The following DTNB variants were observed in gnomAD, a reference collection of about 807,000 sequenced individuals.
The protein encoded by DTNB is DTN-B.
DTNB carries 63 observed loss-of-function variants against 90.7 expected under a neutral mutation model. The observed-to-expected ratio is 0.69, with a 90% CI of 0.57 to 0.86. DTNB has a LOEUF of 0.86. Among genes scored for constraint, DTNB ranks in the 40% least tolerant of loss-of-function variants. The probability of loss-of-function intolerance (pLI) is 0.00; values close to 1 mark genes in which losing one functional copy is unlikely to be tolerated. For synonymous variants in DTNB, 277 were observed against 286.7 expected (o/e 0.97, Z 0.34); for missense variants, 744 against 807.1 (o/e 0.92, Z 0.95).
At chr2:25,595,506 C>T (rs1349128023) in intron 6 of DTNB, among the ~76,000 whole-genome samples, 1 of 152,150 alleles carries the variant, frequency 6.6e-6, no homozygotes, top group Admixed American at 6.5e-5. Context: ...GTGGCTGAGG[C>T]ATGGACGCTG....
At chr2:25,637,230 T>G (rs1395793092) in intron 3 of DTNB, among the ~76,000 whole-genome samples, 1 of 152,146 alleles carries the variant, frequency 6.6e-6, no homozygotes, top group Non-Finnish European at 1.5e-5. Context: ...AAGACTTAAA[T>G]GTTAGACCTA....
intron 10 of DTNB, among the ~76,000 whole-genome samples, chr2:25,476,933 G>A (rs1275158647): frequency 6.6e-6 from 1 of 152,188 alleles, no homozygotes; most frequent in Non-Finnish European, 1.5e-5. Flanking sequence ...AGCATCACAT[G>A]CCACAGAGAA....
At chr2:25,455,337 C>G in intron 11 of DTNB, 68 bp downstream of exon 11, 1 of 1,442,652 alleles carries the variant, frequency 6.9e-7, no homozygotes, top group Non-Finnish European at 9.3e-7. Flanking sequence ...GCTGACAACC[C>G]CAGGTAGCAA....
intron 1 of DTNB, among the ~76,000 whole-genome samples, chr2:25,654,456 T>C (rs1243466042): frequency 1.3e-5 from 2 of 152,102 alleles, no homozygotes; most frequent in Non-Finnish European, 2.9e-5. Flanking sequence ...AATCATCCAG[T>C]CCAAAACAGC....
At chr2:25,578,323 G>A (rs2061026672) in intron 7 of DTNB, among the ~76,000 whole-genome samples, 1 of 152,200 alleles carries the variant, frequency 6.6e-6, no homozygotes, top group African/African-American at 2.4e-5. Context: ...TGGAATGCTG[G>A]AAATGCTAAT....
intron 10 of DTNB, among the ~76,000 whole-genome samples, chr2:25,480,580 A>C (rs1199900365): frequency 6.6e-6 from 1 of 152,168 alleles, no homozygotes; most frequent in Non-Finnish European, 1.5e-5. Context: ...TCAAGCAATA[A>C]AACACTGTCC....
chr2:25,577,109 G>T, intron 7 of DTNB, 105 bp from the exon 8 acceptor site: 1 of 1,240,800 alleles, frequency 8.1e-7, no homozygotes, highest in Non-Finnish European at 1.1e-6. Flanking sequence ...CAATACAGAG[G>T]AATACCAAAA....
chr2:25,436,344 G>GTA (rs1553380679), intron 12 of DTNB, among the ~76,000 whole-genome samples: 2 of 147,444 alleles, frequency 1.4e-5, no homozygotes, highest in African/African-American at 5.0e-5. Context: ...GGGGAAAAAA[G>GTA]AAAAAAAAAA....
intron 9 of DTNB, among the ~76,000 whole-genome samples, chr2:25,500,976 G>A (rs1311896972): frequency 6.6e-6 from 1 of 152,054 alleles, no homozygotes; most frequent in African/African-American, 2.4e-5. Flanking sequence ...ACCCCCATGG[G>A]GCCCCCCGAA....
intron 9 of DTNB, among the ~76,000 whole-genome samples, chr2:25,489,823 T>C (rs918563552): frequency 4.6e-5 from 7 of 152,040 alleles, no homozygotes; most frequent in Non-Finnish European, 7.4e-5. Context: ...TTTGAGGAAC[T>C]ACCTGAACAA....
At chr2:25,449,630 C>T (rs1460347057) in intron 12 of DTNB, among the ~76,000 whole-genome samples, 1 of 152,090 alleles carries the variant, frequency 6.6e-6, no homozygotes. Context: ...AATATCTGTT[C>T]AAGTCTTTTG....
intron 6 of DTNB, among the ~76,000 whole-genome samples, chr2:25,581,146 C>CA (rs1399102201): frequency 1.3e-5 from 2 of 152,080 alleles, no homozygotes; most frequent in Non-Finnish European, 2.9e-5. Context: ...TGGCCCAAAT[C>CA]AGACACAAAC....
intron 10 of DTNB, among the ~76,000 whole-genome samples, chr2:25,475,490 T>C (rs930523752): frequency 6.6e-6 from 1 of 152,208 alleles, no homozygotes; most frequent in African/African-American, 2.4e-5. Flanking sequence ...CTCCATAACA[T>C]GCAGGTGTGA....
At chr2:25,670,876 C>T (rs562469729) in intron 1 of DTNB, among the ~76,000 whole-genome samples, 10 of 152,214 alleles carry the variant, frequency 6.6e-5, no homozygotes, top group South Asian at 6.2e-4. Context: ...AATAGCGTGA[C>T]GAAATTTTGT....
chr2:25,558,935 C>T (rs1572573352), intron 8 of DTNB, among the ~76,000 whole-genome samples: 1 of 152,094 alleles, frequency 6.6e-6, no homozygotes, highest in Admixed American at 6.5e-5. Context: ...AGTCAGCTGT[C>T]GAATGGGAGA....
chr2:25,610,465 C>A (rs1321248208), intron 4 of DTNB, among the ~76,000 whole-genome samples: 1 of 152,120 alleles, frequency 6.6e-6, no homozygotes, highest in Non-Finnish European at 1.5e-5. Context: ...AACGATTATG[C>A]CTTTAGTTAA....
chr2:25,548,231 T>C (rs1331448693), intron 8 of DTNB, among the ~76,000 whole-genome samples: 2 of 152,150 alleles, frequency 1.3e-5, no homozygotes, highest in African/African-American at 4.8e-5. Context: ...CAATCTTTTC[T>C]TTCCTAGAAA....
chr2:25,547,298 G>T (rs2082637507), intron 8 of DTNB, among the ~76,000 whole-genome samples: 1 of 139,510 alleles, frequency 7.2e-6, no homozygotes, highest in African/African-American at 2.7e-5. Flanking sequence ...ACCACTAAGA[G>T]TCATGCACCT....
chr2:25,557,857 C>A (rs375504172), intron 8 of DTNB, among the ~76,000 whole-genome samples: 1 of 152,176 alleles, frequency 6.6e-6, no homozygotes, highest in Admixed American at 6.5e-5. Context: ...AGAAAAGGAA[C>A]TGAAAAATTA....
Sources: allele counts gnomAD v4.1 joint callset (sites outside exome capture counted in the v4.1 genomes callset), GRCh38; gene constraint gnomAD v4.1.1; transcripts MANE v1.5; gene names NCBI Gene and HGNC (gene_info 2026-07-23, HGNC 2026-07-21).